Variants in ZFPM1 observed in about 807,000 individuals in gnomAD.
ZFPM1 encodes the protein zinc finger protein, FOG family member 1, also known as zinc finger protein ZFPM1.
ZFPM1 carries 28 observed loss-of-function variants against 46.3 expected under a neutral mutation model. That is an observed-to-expected ratio of 0.60 (90% CI 0.45 to 0.83). The LOEUF is 0.83. Ranked by LOEUF, ZFPM1 falls within the 40% of genes least tolerant of loss-of-function variation. The probability of loss-of-function intolerance (pLI) is 0.00; values close to 1 mark genes in which losing one functional copy is unlikely to be tolerated. For missense variants in ZFPM1, 1,878 were observed against 1,432.4 expected, an observed-to-expected ratio of 1.31 and a Z score of -5.02; for synonymous variants, 957 against 675.9, an observed-to-expected ratio of 1.42 and a Z score of -6.45.
intron 2 of ZFPM1, among the ~76,000 whole-genome samples, chr16:88,486,774 G>A (rs1447356866): frequency 6.7e-6 from 1 of 149,340 alleles, no homozygotes; most frequent in Non-Finnish European, 1.5e-5. Flanking sequence ...GATACTGGGT[G>A]CAAGTGGGTG....
chr16:88,457,867 G>T (rs892633190), intron 1 of ZFPM1, among the ~76,000 whole-genome samples: 17 of 152,090 alleles, frequency 1.1e-4, no homozygotes, highest in Non-Finnish European at 2.5e-4. Flanking sequence ...CTGGACTCCA[G>T]CAGGGTCTGG....
At chr16:88,524,119 A>AT (rs1912125237) in intron 4 of ZFPM1, among the ~76,000 whole-genome samples, 1 of 152,210 alleles carries the variant, frequency 6.6e-6, no homozygotes, top group Admixed American at 6.5e-5. Flanking sequence ...ATTAGATTTC[A>AT]TATCGTTACC....
intron 1 of ZFPM1, among the ~76,000 whole-genome samples, chr16:88,474,505 A>G (rs1908582408): frequency 6.6e-6 from 1 of 151,700 alleles, no homozygotes; most frequent in Admixed American, 6.6e-5. Context: ...CTCCCTCCAA[A>G]GCCTCCAGCC....
At position 88,526,809 on chromosome 16, in the gene ZFPM1, C is replaced by CA; in HGVS notation, c.403-5_403-4insA. On this transcript the variant is annotated splice_polypyrimidine_tract_variant and splice_region_variant and intron_variant, in intron 4 of 9. Transcript: ENST00000319555. ...TCCCCACGTGTTCCTACCCTCCCCC[C>CA]CCAGAGCCCAGCCCTGACCCTGCTG... is the stretch of plus-strand genomic sequence containing the variant. 6.5e-7 allele frequency: 1 copy of CA among 1,545,904 alleles called. No homozygotes were observed. Among genetic ancestry groups the CA allele is most frequent in the African/African-American group, 1.4e-5 (1 of 72,870 alleles).
chr16:88,520,244 G>A (rs878907812), intron 4 of ZFPM1, among the ~76,000 whole-genome samples: 3 of 151,018 alleles, frequency 2.0e-5, no homozygotes, highest in Admixed American at 2.0e-4. Context: ...TGACGGCTGG[G>A]TGGATGGATA....
At chr16:88,499,939 C>T (rs1403450322) in intron 3 of ZFPM1, among the ~76,000 whole-genome samples, 1 of 152,234 alleles carries the variant, frequency 6.6e-6, no homozygotes, top group Non-Finnish European at 1.5e-5. Flanking sequence ...GGAGCGCAGC[C>T]GGAGCCCTGG....
intron 4 of ZFPM1, among the ~76,000 whole-genome samples, chr16:88,519,106 ATGGG>A (rs1911597581): frequency 1.0e-5 from 1 of 95,258 alleles, no homozygotes; most frequent in Non-Finnish European, 2.0e-5. Context: ...GTGTGGGTGG[ATGGG>A]TGGATGGATG....
chr16:88,495,869 C>G (rs1378102175), intron 3 of ZFPM1, among the ~76,000 whole-genome samples: 1 of 152,156 alleles, frequency 6.6e-6, no homozygotes, highest in East Asian at 1.9e-4. Context: ...CAAAATGCAA[C>G]TGGGCCATGG....
intron 1 of ZFPM1, among the ~76,000 whole-genome samples, chr16:88,464,018 A>G (rs1908015169): frequency 6.6e-6 from 1 of 152,212 alleles, no homozygotes; most frequent in South Asian, 2.1e-4. Flanking sequence ...GGCTCCAGCC[A>G]GCCAGGAGCC....
intron 9 of ZFPM1, 47 bp downstream of exon 9, chr16:88,532,982 C>G: frequency 4.4e-6 from 7 of 1,608,560 alleles, no homozygotes; most frequent in Non-Finnish European, 5.9e-6. Flanking sequence ...GCCCCCTGAG[C>G]AGTGGGAAGG....
upstream of ZFPM1, among the ~76,000 whole-genome samples, chr16:88,452,339 C>G (rs1178906474): frequency 6.6e-6 from 1 of 152,242 alleles, no homozygotes; most frequent in Non-Finnish European, 1.5e-5. Context: ...ACAAACCTCG[C>G]TGACCTCTGA....
At chr16:88,479,512 G>A (rs1033677460) in intron 1 of ZFPM1, among the ~76,000 whole-genome samples, 8 of 152,224 alleles carry the variant, frequency 5.3e-5, no homozygotes, top group Middle Eastern at 3.4e-3. Context: ...CTCCCATAGC[G>A]TGGCCTCAAC....
chr16:88,533,167 G>A lies in ZFPM1; in HGVS notation c.1209G>A (p.Gln403=), dbSNP rs1912935242. 6.6e-7 allele frequency: 1 copy of A among 1,510,220 alleles called. No individual in the cohort carries two copies. Among genetic ancestry groups the A allele is most frequent in the Non-Finnish European group, 8.8e-7 (1 of 1,137,248 alleles). 93.6% of individuals were successfully genotyped at this position (1,510,220 alleles called of 1,614,324 possible). A position where few individuals can be genotyped will look rare whatever the true frequency, so the allele number is the denominator to read the frequency against. The stretch of plus-strand genomic sequence containing the variant: ...CTGCAGACAGTCTGGGCAGCTTCCA[G>A]CAGCAGCACACGGCCCTGCAAGGCC... ...KLPPDSLGSF[Q]QQHTALQGPL... Residue 403 remains glutamine (Q), a synonymous_variant, in exon 10 of 10, where the codon CAG becomes CAA. Coordinates refer to ENST00000319555, the MANE Select transcript of ZFPM1 (RefSeq NM_153813.3).
intron 1 of ZFPM1, among the ~76,000 whole-genome samples, chr16:88,461,780 TCA>T (rs1907903027): frequency 6.6e-6 from 1 of 152,206 alleles, no homozygotes; most frequent in African/African-American, 2.4e-5. Flanking sequence ...TGGGCTGGCC[TCA>T]CACCCCAGCC....
intron 2 of ZFPM1, among the ~76,000 whole-genome samples, chr16:88,487,480 C>T (rs916899168): frequency 1.1e-4 from 17 of 152,066 alleles, no homozygotes; most frequent in Admixed American, 3.3e-4. Flanking sequence ...CCCTGACGGG[C>T]GGAAGAATGC....
chr16:88,473,167 C>T (rs1234021470), intron 1 of ZFPM1, among the ~76,000 whole-genome samples: 2 of 152,272 alleles, frequency 1.3e-5, no homozygotes, highest in African/African-American at 4.8e-5. Context: ...TGACTTCTTC[C>T]TTTCTGAAAG....
chr16:88,528,314 C>A, intron 6 of ZFPM1, 76 bp downstream of exon 6: 1 of 1,440,394 alleles, frequency 6.9e-7, no homozygotes, highest in Non-Finnish European at 9.3e-7. Context: ...AGGGTGGGAG[C>A]TGAGGGTGGG....
Position 88,535,935 on chromosome 16 carries a change from C to G in ZFPM1, c.*956C>G, listed in dbSNP as rs899830858. On this transcript the variant is annotated 3_prime_UTR_variant, in exon 10 of 10. Transcript: ENST00000319555. ...TCCAGCGTGCTTTCTCACTGGAGAA[C>G]AAAAACACTCTTCTATTCCCAACGT... The G allele has an allele frequency of 1.3e-5, 2 of 152,168 alleles. No homozygotes were observed. The highest frequency in any genetic ancestry group is 2.9e-5 in the Non-Finnish European group (2 of 68,016). The allele number at this position is 152,168 out of a possible 1,614,324, so 9.4% of individuals were successfully genotyped here.
chr16:88,502,957 G>C (rs1910452424), intron 3 of ZFPM1, among the ~76,000 whole-genome samples: 1 of 152,248 alleles, frequency 6.6e-6, no homozygotes, highest in Non-Finnish European at 1.5e-5. Flanking sequence ...GCCTTTAGCT[G>C]TCGTTCCTCC....
Sources: allele counts gnomAD v4.1 joint callset (sites outside exome capture counted in the v4.1 genomes callset), GRCh38; gene constraint gnomAD v4.1.1; transcripts MANE v1.5; gene names NCBI Gene and HGNC (gene_info 2026-07-23, HGNC 2026-07-21).